Variants in HEPH observed in about 807,000 individuals in gnomAD.
The protein encoded by HEPH is hephaestin.
Under a neutral mutation model 80.8 loss-of-function variants are expected in HEPH, and 69 were observed. The observed-to-expected ratio is 0.85, with a 90% CI of 0.70 to 1.04. The LOEUF is 1.04. Among genes scored for constraint, HEPH ranks in the 50% least tolerant of loss-of-function variants. The pLI, the probability that HEPH is intolerant of heterozygous loss-of-function variation, is 0.00. For missense variants in HEPH, 1,115 were observed against 891.3 expected (o/e 1.25, Z -3.20); for synonymous variants, 431 against 322.8 (o/e 1.34, Z -3.60).
At chrX:66,254,619 G>C (rs1239136132) in intron 15 of HEPH, among the ~76,000 whole-genome samples, 1 of 110,793 alleles carries the variant, frequency 9.0e-6, no homozygotes, top group Admixed American at 9.7e-5. Flanking sequence ...TCAGAAAGGT[G>C]ACTAAAGGTT....
intron 7 of HEPH, among the ~76,000 whole-genome samples, chrX:66,192,772 A>G (rs2087877429): frequency 9.0e-6 from 1 of 111,709 alleles, no homozygotes; most frequent in African/African-American, 3.3e-5. Context: ...TTTGGCTATC[A>G]CATGCCCATT....
intron 19 of HEPH, among the ~76,000 whole-genome samples, chrX:66,263,096 C>G (rs1321908783): frequency 1.8e-5 from 2 of 110,847 alleles, no homozygotes; most frequent in African/African-American, 6.6e-5. Context: ...TGCTAGCTAA[C>G]AATAACAAGA....
At chrX:66,190,952 C>T (rs534364284) in intron 6 of HEPH, among the ~76,000 whole-genome samples, 1 of 111,725 alleles carries the variant, frequency 9.0e-6, no homozygotes, top group South Asian at 3.8e-4. Flanking sequence ...ATCCTCGTTC[C>T]ATCACTTGTT....
chrX:66,187,754 A>G (rs2087547451), intron 4 of HEPH, among the ~76,000 whole-genome samples: 1 of 111,402 alleles, frequency 9.0e-6, no homozygotes, highest in African/African-American at 3.3e-5. Flanking sequence ...TCATGATGCA[A>G]GCCTCCACAT....
chrX:66,200,887 C>A, intron 12 of HEPH, 135 bp downstream of exon 12: 1 of 480,938 alleles, frequency 2.1e-6, no homozygotes, highest in South Asian at 3.4e-5. Flanking sequence ...AAACACTTGT[C>A]TTTTTCTTCT....
intron 15 of HEPH, among the ~76,000 whole-genome samples, chrX:66,240,557 C>T (rs622743): frequency 0.066 from 6,971 of 105,284 alleles, 234 homozygotes; most frequent in Middle Eastern, 0.14. Context: ...AGACATACAA[C>T]GTAAAATCTA....
chrX:66,163,552 TA>T (rs887116389), upstream of HEPH, among the ~76,000 whole-genome samples: 1 of 110,862 alleles, frequency 9.0e-6, no homozygotes, highest in African/African-American at 3.3e-5. Flanking sequence ...AATGTATATA[TA>T]AAAAAATCCA....
chrX:66,256,841 G>T (rs1417431357), intron 17 of HEPH, among the ~76,000 whole-genome samples: 1 of 112,216 alleles, frequency 8.9e-6, no homozygotes, highest in East Asian at 2.8e-4. Context: ...GATCCTCAGT[G>T]AGAAGCATAC....
intron 6 of HEPH, among the ~76,000 whole-genome samples, chrX:66,190,252 C>G (rs897364803): frequency 9.1e-6 from 1 of 110,357 alleles, no homozygotes; most frequent in East Asian, 2.8e-4. Context: ...ACAATTAATA[C>G]CTGGAGACAT....
At chrX:66,235,928 A>C (rs1451940916) in intron 15 of HEPH, among the ~76,000 whole-genome samples, 3 of 111,305 alleles carry the variant, frequency 2.7e-5, no homozygotes, top group African/African-American at 9.8e-5. Context: ...CTCGTGGCTT[A>C]ACTGTTGTTG....
intron 17 of HEPH, 129 bp downstream of exon 17, chrX:66,256,459 G>A: frequency 2.1e-6 from 1 of 476,317 alleles, no homozygotes; most frequent in South Asian, 3.5e-5. Flanking sequence ...AGGTGAAATG[G>A]GGATGAGTTA....
At chrX:66,206,613 G>A (rs772594799) in intron 13 of HEPH, among the ~76,000 whole-genome samples, 34 of 108,075 alleles carry the variant, frequency 3.1e-4, no homozygotes, top group African/African-American at 9.4e-4. Flanking sequence ...GCAATCTACC[G>A]GCCTTAGCAT....
intron 4 of HEPH, among the ~76,000 whole-genome samples, chrX:66,186,446 G>T (rs776905094): frequency 2.7e-5 from 3 of 112,239 alleles, no homozygotes; most frequent in East Asian, 5.7e-4. Context: ...GCAATATTCG[G>T]GTGGGAGTGA....
intron 15 of HEPH, among the ~76,000 whole-genome samples, chrX:66,249,544 G>A (rs1284479104): frequency 2.7e-5 from 3 of 111,499 alleles, no homozygotes; most frequent in African/African-American, 6.5e-5. Flanking sequence ...AAACAGCACT[G>A]AGGACACAAT....
chrX:66,231,192 G>A (rs1361215629), intron 15 of HEPH, among the ~76,000 whole-genome samples: 4 of 109,263 alleles, frequency 3.7e-5, no homozygotes, highest in Non-Finnish European at 7.7e-5. Flanking sequence ...TTGTAGTATA[G>A]TTTGAAGTCA....
intron 15 of HEPH, among the ~76,000 whole-genome samples, chrX:66,227,349 G>C (rs767624982): frequency 5.1e-4 from 57 of 111,285 alleles, no homozygotes; most frequent in African/African-American, 1.7e-3. Context: ...ATGGGGAAAA[G>C]TTGAAAGCCT....
chrX:66,234,032 G>C (rs1317166224), intron 15 of HEPH, among the ~76,000 whole-genome samples: 1 of 111,073 alleles, frequency 9.0e-6, no homozygotes, highest in African/African-American at 3.3e-5. Flanking sequence ...GTACCCAATA[G>C]TTATTTTTTC....
At chrX:66,181,826 G>GTT (rs1489786901) in intron 4 of HEPH, among the ~76,000 whole-genome samples, 1 of 92,891 alleles carries the variant, frequency 1.1e-5, no homozygotes, top group Non-Finnish European at 2.1e-5. Flanking sequence ...GGTTTTTATG[G>GTT]TTTTAGGTCT....
intron 4 of HEPH, among the ~76,000 whole-genome samples, chrX:66,175,465 G>A (rs1360103447): frequency 9.0e-6 from 1 of 111,114 alleles, no homozygotes; most frequent in African/African-American, 3.3e-5. Flanking sequence ...TGTTTTTTTT[G>A]CTTAGTCTTG....
Sources: gnomAD v4.1 joint callset for allele counts (sites outside exome capture counted in the v4.1 genomes callset) on GRCh38, gnomAD v4.1.1 for gene constraint, MANE v1.5 for transcripts, NCBI Gene and HGNC (gene_info 2026-07-23, HGNC 2026-07-21) for gene names.